Variants in SORCS3 observed in about 807,000 individuals in gnomAD.
SORCS3 encodes sortilin related VPS10 domain containing receptor 3.
In SORCS3, 57 loss-of-function variants were observed where a neutral mutation model predicts 146.3. That is an observed-to-expected ratio of 0.39 (90% CI 0.31 to 0.49). The LOEUF (loss-of-function observed/expected upper bound fraction) is 0.49. Ranked by LOEUF, SORCS3 falls within the 20% of genes least tolerant of loss-of-function variation. The probability of loss-of-function intolerance (pLI) is 0.92; values close to 1 mark genes in which losing one functional copy is unlikely to be tolerated. For synonymous variants in SORCS3, 653 were observed against 618.5 expected, an observed-to-expected ratio of 1.06 and a Z score of -0.83; for missense variants, 1,341 against 1,575.5, an observed-to-expected ratio of 0.85 and a Z score of 2.52.
At chr10:105,231,908 G>A (rs1384859517) in intron 20 of SORCS3, among the ~76,000 whole-genome samples, 2 of 152,094 alleles carry the variant, frequency 1.3e-5, no homozygotes, top group Non-Finnish European at 2.9e-5. Context: ...ATTTGCTAAT[G>A]CTTTATTGAG....
chr10:104,855,054 A>AT (rs547658089), intron 2 of SORCS3, among the ~76,000 whole-genome samples: 239 of 152,252 alleles, frequency 1.6e-3, no homozygotes, highest in Admixed American at 3.3e-3. Flanking sequence ...ACATGTTTTC[A>AT]TTTTTCTGGG....
intron 3 of SORCS3, among the ~76,000 whole-genome samples, chr10:104,928,667 T>G (rs1359939692): frequency 1.3e-5 from 2 of 152,080 alleles, no homozygotes; most frequent in African/African-American, 4.8e-5. Context: ...GGTGAGCGTG[T>G]CTGGGCAATG....
rs560185553 is a variant in SORCS3 at position 104,859,623 on chromosome 10, G to C, written c.695+16764G>C. ...CAGCAAAAGAAACTACCATCATAGT[G>C]AACAGGCAACCTACAAAATGGGAGA... is the stretch of plus-strand genomic sequence containing the variant. On this transcript the variant is annotated intron_variant, in intron 2 of 26. Transcript: ENST00000369701. Among the ~76,000 whole-genome samples, 507 of 152,286 alleles carry C rather than the reference G, an allele frequency of 3.3e-3. 2 individuals are homozygous for C. Among genetic ancestry groups the C allele is most frequent in the South Asian group, 0.018 (87 of 4,820 alleles).
chr10:105,094,122 A>G (rs2055729294), intron 6 of SORCS3, among the ~76,000 whole-genome samples: 1 of 152,208 alleles, frequency 6.6e-6, no homozygotes, highest in Non-Finnish European at 1.5e-5. Context: ...AAAAGGTTAC[A>G]TGCTGTATTA....
At chr10:105,249,718 A>G (rs2056887844) in intron 22 of SORCS3, among the ~76,000 whole-genome samples, 1 of 151,686 alleles carries the variant, frequency 6.6e-6, no homozygotes, top group African/African-American at 2.4e-5. Flanking sequence ...CCATCTCTAC[A>G]AAAATAAATA....
chr10:105,211,507 T>A (rs1405520000), intron 17 of SORCS3, among the ~76,000 whole-genome samples: 2 of 152,202 alleles, frequency 1.3e-5, no homozygotes, highest in Non-Finnish European at 2.9e-5. Context: ...TTTTGGTTAA[T>A]CCTTCTCTTC....
chr10:105,149,315 T>C (rs2056152624), intron 9 of SORCS3, among the ~76,000 whole-genome samples: 2 of 152,238 alleles, frequency 1.3e-5, no homozygotes, highest in African/African-American at 2.4e-5. Flanking sequence ...GTGAATGTCA[T>C]TCGGTAGAAA....
intron 1 of SORCS3, among the ~76,000 whole-genome samples, chr10:104,708,681 T>A (rs534789574): frequency 1.3e-5 from 2 of 152,200 alleles, no homozygotes; most frequent in Non-Finnish European, 2.9e-5. Context: ...GCCACATTTC[T>A]TCCCCCCCAT....
chr10:105,018,703 G>T (rs1428519610), intron 4 of SORCS3, among the ~76,000 whole-genome samples: 1 of 152,100 alleles, frequency 6.6e-6, no homozygotes, highest in Non-Finnish European at 1.5e-5. Context: ...GAATTGAATT[G>T]TCTCCCTCAG....
chr10:105,111,892 G>T (rs2055861479), intron 7 of SORCS3, among the ~76,000 whole-genome samples: 1 of 152,182 alleles, frequency 6.6e-6, no homozygotes, highest in South Asian at 2.1e-4. Flanking sequence ...AGAGGAGAAG[G>T]CCTGGGTAAA....
rs2016217598 is a variant in SORCS3, at chr10:104,696,703, AC to A, written c.627+54750del. Among the ~76,000 whole-genome samples the A allele has an allele frequency of 2.4e-5, 2 of 83,130 alleles. 1 individual carries two copies. The highest frequency in any genetic ancestry group is 4.3e-5 in the Non-Finnish European group (2 of 46,856). 54.5% of individuals were successfully genotyped at this position (83,130 alleles called of 152,430 possible). The stretch of plus-strand genomic sequence containing the variant: ...ATATAATATATAATATATATTATAT[AC>A]GTATATATAATATATAACATATATA... On this transcript the variant is annotated intron_variant, in intron 1 of 26. Coordinates refer to ENST00000369701, the MANE Select transcript of SORCS3 (RefSeq NM_014978.3).
chr10:105,037,591 T>C lies in SORCS3; in HGVS notation c.955-5464T>C, dbSNP rs560327742. Among the ~76,000 whole-genome samples, 61 of 152,328 alleles carry C rather than the reference T, an allele frequency of 4.0e-4. 3 individuals are homozygous for C. The Middle Eastern group carries it at 0.01, about 25-fold the overall frequency. On this transcript the variant is annotated intron_variant, in intron 4 of 26. Coordinates refer to ENST00000369701, the MANE Select transcript of SORCS3 (RefSeq NM_014978.3). ...CCATCTTCTCATGGAGTTCTCCTTA[T>C]GTGTCTTTACGTAGGATTCCCTGTC...
At chr10:104,847,359 G>A (rs1172192586) in intron 2 of SORCS3, among the ~76,000 whole-genome samples, 1 of 152,112 alleles carries the variant, frequency 6.6e-6, no homozygotes, top group African/African-American at 2.4e-5. Flanking sequence ...TGTATGTCTT[G>A]GACATGAGCC....
At chr10:104,803,415 G>C (rs2017646610) in intron 1 of SORCS3, among the ~76,000 whole-genome samples, 1 of 152,180 alleles carries the variant, frequency 6.6e-6, no homozygotes. Flanking sequence ...CTCAGGAGCT[G>C]CCTGTAGGGG....
intron 14 of SORCS3, among the ~76,000 whole-genome samples, chr10:105,197,508 T>C (rs1255549332): frequency 1.3e-5 from 2 of 152,216 alleles, no homozygotes; most frequent in Non-Finnish European, 2.9e-5. Flanking sequence ...ACAATTTTCC[T>C]GGTGATCTGG....
chr10:104,991,763 T>A (rs1413865751), intron 4 of SORCS3, among the ~76,000 whole-genome samples: 1 of 152,162 alleles, frequency 6.6e-6, no homozygotes, highest in Non-Finnish European at 1.5e-5. Context: ...CCTCCCAAAG[T>A]GCTGGGATTA....
At chr10:104,921,563 G>A (rs1229332777) in intron 3 of SORCS3, among the ~76,000 whole-genome samples, 4 of 151,482 alleles carry the variant, frequency 2.6e-5, no homozygotes, top group African/African-American at 9.7e-5. Context: ...TCTGACATCA[G>A]TATAGGCTAA....
At chr10:104,749,964 G>T (rs1255947465) in intron 1 of SORCS3, among the ~76,000 whole-genome samples, 1 of 152,126 alleles carries the variant, frequency 6.6e-6, no homozygotes, top group Non-Finnish European at 1.5e-5. Context: ...ACCAACAAAT[G>T]ATAAAAATTA....
chr10:105,048,930 C>T (rs2055392792), intron 5 of SORCS3, among the ~76,000 whole-genome samples: 1 of 151,934 alleles, frequency 6.6e-6, no homozygotes, highest in African/African-American at 2.4e-5. Flanking sequence ...TTAATTTGTG[C>T]AATATCTTAT....
Sources: gnomAD v4.1 joint callset for allele counts (sites outside exome capture counted in the v4.1 genomes callset) on GRCh38, gnomAD v4.1.1 for gene constraint, MANE v1.5 for transcripts, NCBI Gene and HGNC (gene_info 2026-07-23, HGNC 2026-07-21) for gene names.